Variants in NCKAP5 observed in about 807,000 individuals in gnomAD.
NCKAP5 encodes nck-associated protein 5.
In NCKAP5, 92 loss-of-function variants were observed where a neutral mutation model predicts 167.0. That is an observed-to-expected ratio of 0.55 (90% confidence interval 0.47 to 0.66). NCKAP5 has a LOEUF of 0.66. NCKAP5 is among the 30% of genes least tolerant of loss of function. The probability of loss-of-function intolerance (pLI) is 0.00; values close to 1 mark genes in which losing one functional copy is unlikely to be tolerated. For synonymous variants in NCKAP5, 891 were observed against 877.4 expected (o/e 1.02, Z -0.27); for missense variants, 2,378 against 2,315.0 (o/e 1.03, Z -0.56).
rs1255946126 is a variant in NCKAP5, at chr2:133,436,886, A to G, written c.69+80572T>C. ...TGGTTTATACCTGCTGTCTCCTTTA[A>G]TTATTAATGGTGCTCCCTTGAGTCT... On this transcript the variant is annotated intron_variant, in intron 3 of 19. Transcript: ENST00000409261. Among the ~76,000 whole-genome samples, 3 of 152,054 alleles carry G rather than the reference A, an allele frequency of 2.0e-5. No homozygotes were observed. In the East Asian group the frequency reaches 5.8e-4, roughly 29 times the overall value.
At chr2:133,503,415 G>T (rs1416419626) in intron 3 of NCKAP5, among the ~76,000 whole-genome samples, 1 of 152,210 alleles carries the variant, frequency 6.6e-6, no homozygotes, top group Non-Finnish European at 1.5e-5. Flanking sequence ...AGAAAACAGA[G>T]GCTCAGAAGA....
intron 5 of NCKAP5, among the ~76,000 whole-genome samples, chr2:133,133,744 T>C (rs1316483476): frequency 6.6e-6 from 1 of 152,350 alleles, no homozygotes; most frequent in Admixed American, 6.5e-5. Flanking sequence ...ACAAAATGTG[T>C]CCACCTTCAT....
intron 3 of NCKAP5, among the ~76,000 whole-genome samples, chr2:133,394,481 A>C (rs1254884685): frequency 6.6e-6 from 1 of 152,234 alleles, no homozygotes; most frequent in African/African-American, 2.4e-5. Flanking sequence ...GCAGGCTACA[A>C]GACCTAGAAC....
At position 132,728,885 on chromosome 2, in the gene NCKAP5, A is replaced by C. The variant is rs1160404256; in HGVS notation, c.5511T>G (p.Tyr1837Ter). ...PRPQTCSSFG[Y>*]AEDPMASQPL... ...GCTGGCTTGCCATTGGGTCTTCAGCATATCCGAATGATGAGCATGTCTGAG... is the reference window on the plus strand; with the variant it reads ...GCTGGCTTGCCATTGGGTCTTCAGCCTATCCGAATGATGAGCATGTCTGAG... The change falls in exon 18 of 20, where the codon TAT becomes TAG. Residue 1837 changes from tyrosine (Y) to a stop codon, truncating the protein, a stop_gained. Transcript: ENST00000409261. LOFTEE classifies it high-confidence loss of function. 2 of 1,614,008 alleles carry C rather than the reference A, an allele frequency of 1.2e-6. No homozygotes were observed. Among genetic ancestry groups the C allele is most frequent in the Non-Finnish European group, 1.7e-6 (2 of 1,179,880 alleles).
intron 3 of NCKAP5, among the ~76,000 whole-genome samples, chr2:133,340,550 T>C (rs1033764857): frequency 1.3e-5 from 2 of 152,318 alleles, no homozygotes; most frequent in East Asian, 1.9e-4. Flanking sequence ...ACAGTGGCTC[T>C]GGATACCCCC....
At chr2:133,476,942 G>A (rs78689750) in intron 3 of NCKAP5, among the ~76,000 whole-genome samples, 4,733 of 152,238 alleles carry the variant, frequency 0.031, 100 homozygotes, top group Admixed American at 0.07. Flanking sequence ...TGGAATGCAT[G>A]CCATGGTCCC....
intron 11 of NCKAP5, among the ~76,000 whole-genome samples, chr2:132,820,339 C>T (rs946136101): frequency 1.1e-4 from 17 of 151,862 alleles, no homozygotes; most frequent in Non-Finnish European, 2.1e-4. Flanking sequence ...ACGCCATTCT[C>T]CTGCCTCAGC....
Position 132,713,713 on chromosome 2 carries a change from C to CA in NCKAP5, c.5713+11913dup, listed in dbSNP as rs35056660. Among the ~76,000 whole-genome samples the CA allele has an allele frequency of 1.7e-3, 44 of 25,408 alleles. No individual in the cohort carries two copies. The South Asian group carries it at 0.031, about 18-fold the overall frequency. The allele number at this position is 25,408 out of a possible 152,430, so 16.7% of individuals were successfully genotyped here. ...ACATCATAAGACAGAAAGGGCCAAA[C>CA]AAAAAAAAAAAGAGCTCTTATTTTA... On this transcript the variant is annotated intron_variant, in intron 19 of 19. Transcript: ENST00000409261.
At position 132,994,009 on chromosome 2, in the gene NCKAP5, A is replaced by G. The variant is rs2077519495; in HGVS notation, c.429+143T>C. ...TTGAATAAACGTGTATGATTCCTCAAAACAGAGGTGACTAGGTGGCTTTTA... is the reference window on the plus strand; with the variant it reads ...TTGAATAAACGTGTATGATTCCTCAGAACAGAGGTGACTAGGTGGCTTTTA... On this transcript the variant is annotated intron_variant, in intron 7 of 19. Transcript: ENST00000409261. 5.4e-6 allele frequency: 3 copies of G among 554,030 alleles called. No homozygotes were observed. In the East Asian group the frequency reaches 9.0e-5, roughly 17 times the overall value. The allele number at this position is 554,030 out of a possible 1,614,324, so 34.3% of individuals were successfully genotyped here. A position where few individuals can be genotyped will look rare whatever the true frequency, so the allele number is the denominator to read the frequency against.
rs534377763 is a variant in NCKAP5, at chr2:133,341,694, T to A, written c.70-38584A>T. 5.9e-5 allele frequency among the ~76,000 whole-genome samples: 9 copies of A among 152,316 alleles called. No individual in the cohort carries two copies. The East Asian group carries it at 1.7e-3, about 29-fold the overall frequency. On this transcript the variant is annotated intron_variant, in intron 3 of 19. Coordinates refer to ENST00000409261, the MANE Select transcript of NCKAP5 (RefSeq NM_207363.3). Reference sequence around the variant, plus strand: ...GTTAAGTAAAGTAGCACAGCACCCATGACACTTAACCATGCTAGATTATCC... The same window carrying A: ...GTTAAGTAAAGTAGCACAGCACCCAAGACACTTAACCATGCTAGATTATCC...
Position 133,035,766 on chromosome 2 carries a change from TCTTAAAAAA to T in NCKAP5, c.342-41536_342-41528del, listed in dbSNP as rs561958116. On this transcript the variant is annotated intron_variant, in intron 6 of 19. Coordinates refer to ENST00000409261, the MANE Select transcript of NCKAP5 (RefSeq NM_207363.3). ...TTCAAGTGAAAAATCTAATGATGCA[TCTTAAAAAA>T]CTAGAAAAGCAAGAACAAACCAAAC... 1.1e-3 allele frequency among the ~76,000 whole-genome samples: 165 copies of T among 151,616 alleles called. 3 individuals are homozygous for T. Among genetic ancestry groups the T allele is most frequent in the African/African-American group, 3.7e-3 (155 of 41,400 alleles).
intron 3 of NCKAP5, among the ~76,000 whole-genome samples, chr2:133,491,585 A>G (rs1681448895): frequency 6.6e-6 from 1 of 152,220 alleles, no homozygotes; most frequent in African/African-American, 2.4e-5. Context: ...CTGATATTCT[A>G]TATGTTAACA....
At chr2:133,249,990 C>T (rs1007263697) in intron 4 of NCKAP5, among the ~76,000 whole-genome samples, 1 of 49,858 alleles carries the variant, frequency 2.0e-5, no homozygotes, top group African/African-American at 6.7e-5. Context: ...AAAGCCACCA[C>T]CAAGGGTTTT....
intron 5 of NCKAP5, among the ~76,000 whole-genome samples, chr2:133,199,704 C>T (rs2085590044): frequency 6.6e-6 from 1 of 151,926 alleles, no homozygotes. Context: ...CCAGCAATTT[C>T]ACTCCTAGGT....
chr2:132,782,724 C>A lies in NCKAP5; in HGVS notation c.4087G>T (p.Gly1363Trp). The change falls in exon 14 of 20, where the codon GGG becomes TGG. Residue 1363 changes from glycine to tryptophan, a missense_variant. Gly to Trp is a radical substitution (Grantham distance 184, BLOSUM62 -2). Around this residue, in one of 3 missense-constraint regions of NCKAP5, gnomAD observed 1,325 missense variants for 1,274.5 expected, o/e 1.04. Coordinates refer to ENST00000409261, the MANE Select transcript of NCKAP5 (RefSeq NM_207363.3). ...CTCAAAGGCAACTTACTTGGGCTCC[C>A]ATGCTGACTGCTGAAGCTGCCTGAG... ...GSSGSFSSQH[G>W]SPSKLPLRIP... 1.2e-6 allele frequency: 2 copies of A among 1,614,002 alleles called. No homozygotes were observed. The highest frequency in any genetic ancestry group is 1.7e-6 in the Non-Finnish European group (2 of 1,179,890).
At chr2:133,329,485 A>C (rs1002645477) in intron 3 of NCKAP5, among the ~76,000 whole-genome samples, 14 of 152,146 alleles carry the variant, frequency 9.2e-5, no homozygotes, top group Non-Finnish European at 1.8e-4. Flanking sequence ...AAGAATAGCC[A>C]AGTGTTATGG....
At chr2:133,207,312 C>G (rs1214416376) in intron 5 of NCKAP5, among the ~76,000 whole-genome samples, 3 of 152,090 alleles carry the variant, frequency 2.0e-5, no homozygotes, top group African/African-American at 4.8e-5. Flanking sequence ...TAGAAAGGAC[C>G]TACAGGGCTC....
At chr2:133,242,088 C>T (rs1283124401) in intron 4 of NCKAP5, among the ~76,000 whole-genome samples, 2 of 138,868 alleles carry the variant, frequency 1.4e-5, no homozygotes, top group Non-Finnish European at 3.0e-5. Flanking sequence ...TGTTGCACTC[C>T]AGCCTGGGCA....
At position 132,785,475 on chromosome 2, in the gene NCKAP5, G is replaced by A; in HGVS notation, c.1336C>T (p.Leu446Phe). 6.2e-7 allele frequency: 1 copy of A among 1,613,472 alleles called. No homozygotes were observed. The highest frequency in any genetic ancestry group is 8.5e-7 in the Non-Finnish European group (1 of 1,179,642). ...IYSPGIKSSS[L>F]KEYPPCKTAD... is the part of the protein sequence containing the mutation. ...GTTTTGCAGGGGGGATACTCCTTGAGGCTGCTACTTTTAATTCCAGGAGAA... is the reference window on the plus strand; with the variant it reads ...GTTTTGCAGGGGGGATACTCCTTGAAGCTGCTACTTTTAATTCCAGGAGAA... The change falls in exon 14 of 20, where the codon CTC becomes TTC. Residue 446 changes from leucine to phenylalanine, a missense_variant. By Grantham distance (22) the Leu-to-Phe change is conservative. Coordinates refer to ENST00000409261, the MANE Select transcript of NCKAP5 (RefSeq NM_207363.3).
Sources: allele counts gnomAD v4.1 joint callset (sites outside exome capture counted in the v4.1 genomes callset), GRCh38; gene constraint gnomAD v4.1.1; regional missense constraint gnomAD v4.1.1; transcripts MANE v1.5; gene names NCBI Gene and HGNC (gene_info 2026-07-23, HGNC 2026-07-21).